B3GALT5: variants seen among roughly 807,000 people sequenced by gnomAD.
B3GALT5 encodes the protein beta-1,3-galactosyltransferase 5.
For synonymous variants in B3GALT5, 156 were observed against 158.6 expected (o/e 0.98, Z 0.12); for missense variants, 328 against 396.6 (o/e 0.83, Z 1.47).
intron 2 of B3GALT5, chr21:39,657,231 T>C (rs1216111581): frequency 6.6e-6 from 1 of 152,234 alleles, no homozygotes; most frequent in Non-Finnish European, 1.5e-5. Flanking sequence ...TTTCTGGGTG[T>C]GTTTGTGAAG....
At chr21:39,621,903 T>C (rs953971351) in intron 1 of B3GALT5, among the ~76,000 whole-genome samples, 1 of 152,150 alleles carries the variant, frequency 6.6e-6, no homozygotes, top group Non-Finnish European at 1.5e-5. Context: ...TGTGTATCAA[T>C]GACTTGATAG....
intron 2 of B3GALT5, among the ~76,000 whole-genome samples, chr21:39,651,506 C>T (rs1001554565): frequency 1.3e-5 from 2 of 152,194 alleles, no homozygotes; most frequent in Admixed American, 6.5e-5. Context: ...TCCAAATTTC[C>T]CTGGAGAAAT....
rs571612371 is a variant in B3GALT5, at chr21:39,619,256, A to T, written c.-392+6189A>T. 1.7e-4 allele frequency among the ~76,000 whole-genome samples: 26 copies of T among 152,314 alleles called. No individual in the cohort carries two copies. In the East Asian group the frequency reaches 4.4e-3, roughly 26 times the overall value. On this transcript the variant is annotated intron_variant, in intron 1 of 3. Transcript: ENST00000684187. ...TCAGGTTCTGGTGAGGACCCTCTTCAGGGATGCAGATACATCCTAAAGATT... is the reference window on the plus strand; with the variant it reads ...TCAGGTTCTGGTGAGGACCCTCTTCTGGGATGCAGATACATCCTAAAGATT...
At chr21:39,633,385 G>A (rs1393829549) in intron 1 of B3GALT5, among the ~76,000 whole-genome samples, 1 of 152,142 alleles carries the variant, frequency 6.6e-6, no homozygotes, top group African/African-American at 2.4e-5. Flanking sequence ...ATGACACCTG[G>A]ATGTACAAGA....
At chr21:39,613,187 T>A (rs2079089764) in intron 1 of B3GALT5, 120 bp downstream of exon 1, 1 of 151,572 alleles carries the variant, frequency 6.6e-6, no homozygotes, top group Non-Finnish European at 1.5e-5. Context: ...GGCCGCGCAC[T>A]GCAGGCGTGC....
intron 1 of B3GALT5, among the ~76,000 whole-genome samples, chr21:39,634,368 A>G (rs1373947701): frequency 6.6e-6 from 1 of 152,150 alleles, no homozygotes; most frequent in Non-Finnish European, 1.5e-5. Flanking sequence ...ATCCGACTTC[A>G]GAGGTGGGAA....
intron 1 of B3GALT5, among the ~76,000 whole-genome samples, chr21:39,625,006 C>A (rs1245415235): frequency 6.6e-6 from 1 of 152,180 alleles, no homozygotes; most frequent in African/African-American, 2.4e-5. Flanking sequence ...CCTCTGGGTT[C>A]TTCTTTGACG....
intron 1 of B3GALT5, among the ~76,000 whole-genome samples, chr21:39,637,207 TC>T (rs1329280879): frequency 1.3e-5 from 2 of 152,200 alleles, no homozygotes; most frequent in Non-Finnish European, 2.9e-5. Flanking sequence ...CCTTTTCCTT[TC>T]TAGGGGCATT....
intron 1 of B3GALT5, among the ~76,000 whole-genome samples, chr21:39,627,280 G>T (rs2079169195): frequency 6.6e-6 from 1 of 152,180 alleles, no homozygotes; most frequent in Non-Finnish European, 1.5e-5. Flanking sequence ...AGGGGAACGA[G>T]CAGGAAGTTT....
At chr21:39,617,025 A>G (rs1158174520) in intron 1 of B3GALT5, among the ~76,000 whole-genome samples, 2 of 152,214 alleles carry the variant, frequency 1.3e-5, no homozygotes, top group Non-Finnish European at 2.9e-5. Context: ...ACACTTGGCC[A>G]TACTTGCTTA....
rs117754404 is a variant in B3GALT5, at chr21:39,654,279, G to T, written c.-160-5474G>T. On this transcript the variant is annotated intron_variant, in intron 2 of 3. Transcript: ENST00000684187. ...TAATTTTTTGTAGAGATAGGGTTTT[G>T]CCATGTTGGCCAGGCTAGTCTTGAA... Among the ~76,000 whole-genome samples, 322 of 152,312 alleles carry T rather than the reference G, an allele frequency of 2.1e-3. 3 individuals are homozygous for T. In the East Asian group the frequency reaches 0.025, roughly 12 times the overall value.
intron 1 of B3GALT5, among the ~76,000 whole-genome samples, chr21:39,621,335 A>G (rs961249893): frequency 1.3e-5 from 2 of 152,142 alleles, no homozygotes; most frequent in Admixed American, 1.3e-4. Context: ...ATAATTTATT[A>G]GTGCATTTCT....
chr21:39,613,473 C>T (rs1446194783), intron 1 of B3GALT5, among the ~76,000 whole-genome samples: 2 of 152,170 alleles, frequency 1.3e-5, no homozygotes, highest in African/African-American at 4.8e-5. Context: ...CAGGCAGCTT[C>T]TGCATCGTGG....
rs2079623970 is a variant in B3GALT5 at position 39,671,116 on chromosome 21, C to T, written c.*9624C>T. The T allele has an allele frequency of 6.6e-6, 1 of 152,214 alleles. No homozygotes were observed. Among genetic ancestry groups the T allele is most frequent in the African/African-American group, 2.4e-5 (1 of 41,468 alleles). 9.4% of individuals were successfully genotyped at this position (152,214 alleles called of 1,614,324 possible). A position where few individuals can be genotyped will look rare whatever the true frequency, so the allele number is the denominator to read the frequency against. ...ACTCTTGGCAATAACTGACCCTCCT[C>T]TTATAATAACATTAATTCATTCATG... On this transcript the variant is annotated 3_prime_UTR_variant, in exon 4 of 4. Coordinates refer to ENST00000684187, the MANE Select transcript of B3GALT5 (RefSeq NM_001356336.2).
intron 1 of B3GALT5, among the ~76,000 whole-genome samples, chr21:39,616,961 A>C (rs2079110222): frequency 6.6e-6 from 1 of 152,186 alleles, no homozygotes; most frequent in South Asian, 2.1e-4. Context: ...GCAGAAGTGA[A>C]ATAATAATAG....
At chr21:39,632,066 A>G (rs1391570988) in intron 1 of B3GALT5, among the ~76,000 whole-genome samples, 1 of 152,158 alleles carries the variant, frequency 6.6e-6, no homozygotes, top group East Asian at 1.9e-4. Context: ...TCGGAGCGGA[A>G]CTATTGGACT....
In B3GALT5 at chr21:39,664,318, A is replaced by G. The variant is rs980059737; in HGVS notation, c.*2826A>G. ...CATACACGCCTACACCCAGCCCCCA[A>G]ACCTCCGTACTCTGCCTTCTACTGT... On this transcript the variant is annotated 3_prime_UTR_variant, in exon 4 of 4. Transcript: ENST00000684187. The G allele has an allele frequency of 4.6e-5, 7 of 152,086 alleles. No individual in the cohort carries two copies. Among genetic ancestry groups the G allele is most frequent in the African/African-American group, 1.7e-4 (7 of 41,292 alleles). The allele number at this position is 152,086 out of a possible 1,614,324, so 9.4% of individuals were successfully genotyped here. A position where few individuals can be genotyped will look rare whatever the true frequency, so the allele number is the denominator to read the frequency against.
At chr21:39,626,772 C>CT (rs1214259781) in intron 1 of B3GALT5, among the ~76,000 whole-genome samples, 2 of 151,888 alleles carry the variant, frequency 1.3e-5, no homozygotes, top group Non-Finnish European at 2.9e-5. Context: ...TCCTTTGCCC[C>CT]TTTTTAAACT....
chr21:39,650,981 A>G (rs2079390056), intron 2 of B3GALT5, among the ~76,000 whole-genome samples: 1 of 151,468 alleles, frequency 6.6e-6, no homozygotes, highest in African/African-American at 2.4e-5. Flanking sequence ...ATAAAGAAAA[A>G]AAAAACCTTC....
Sources: gnomAD v4.1 joint callset for allele counts (sites outside exome capture counted in the v4.1 genomes callset) on GRCh38, gnomAD v4.1.1 for gene constraint, MANE v1.5 for transcripts, NCBI Gene and HGNC (gene_info 2026-07-23, HGNC 2026-07-21) for gene names.